NTM: variants seen among roughly 807,000 people sequenced by gnomAD.
The protein encoded by NTM is IgLON family member 2.
A neutral mutation model predicts 42.1 loss-of-function variants in NTM; 13 were observed. That is an observed-to-expected ratio of 0.31 (90% CI 0.20 to 0.49). The LOEUF (loss-of-function observed/expected upper bound fraction) is 0.49. Ranked by LOEUF, NTM falls within the 20% of genes least tolerant of loss-of-function variation. The pLI is 0.99. For missense variants in NTM, 373 were observed against 452.8 expected (o/e 0.82, Z 1.60); for synonymous variants, 187 against 179.2 (o/e 1.04, Z -0.35).
intron 1 of NTM, among the ~76,000 whole-genome samples, chr11:131,600,756 C>G (rs564301040): frequency 6.6e-6 from 1 of 152,228 alleles, no homozygotes; most frequent in Admixed American, 6.5e-5. Flanking sequence ...TTTGCCTGTC[C>G]AGACACAACA....
chr11:132,043,247 A>T (rs933512033), intron 2 of NTM, among the ~76,000 whole-genome samples: 6 of 152,256 alleles, frequency 3.9e-5, no homozygotes, highest in African/African-American at 7.2e-5. Flanking sequence ...GTCACTAAGG[A>T]CCTGAGCTTG....
rs1945237733 is a variant in NTM at position 131,401,831 on chromosome 11, TA to T, written c.82+30944del. Among the ~76,000 whole-genome samples, 12 of 94,034 alleles carry T rather than the reference TA, an allele frequency of 1.3e-4. 2 individuals are homozygous for T. Among genetic ancestry groups the T allele is most frequent in the Admixed American group, 1.0e-3 (10 of 9,730 alleles). 61.7% of individuals were successfully genotyped at this position (94,034 alleles called of 152,430 possible). On this transcript the variant is annotated intron_variant, in intron 1 of 8. Transcript: ENST00000683400. ...ATATATATATATATATATATATATA[TA>T]TATATATATATATATATATATATAT...
chr11:131,911,403 C>T (rs2054947334), intron 1 of NTM, 161 bp from the exon 2 acceptor site: 1 of 1,599,360 alleles, frequency 6.3e-7, no homozygotes, highest in South Asian at 1.1e-5. Flanking sequence ...TCGCTCCGCA[C>T]CCCACCCACT....
At chr11:131,979,788 A>T (rs2064968985) in intron 2 of NTM, among the ~76,000 whole-genome samples, 1 of 152,260 alleles carries the variant, frequency 6.6e-6, no homozygotes, top group South Asian at 2.1e-4. Flanking sequence ...AAATGGCAAC[A>T]TTATGGCTTA....
chr11:132,273,490 T>C (rs2093589464), intron 4 of NTM, among the ~76,000 whole-genome samples: 1 of 152,206 alleles, frequency 6.6e-6, no homozygotes, highest in Admixed American at 6.5e-5. Context: ...TTCTAGATAA[T>C]AGGTATCAGT....
intron 2 of NTM, among the ~76,000 whole-genome samples, chr11:132,091,405 C>G (rs1277440500): frequency 6.7e-6 from 1 of 148,928 alleles, no homozygotes; most frequent in East Asian, 2.0e-4. Flanking sequence ...GACTCTGTCT[C>G]AAAAAAAAAT....
chr11:131,995,516 T>G (rs2067836700), intron 2 of NTM, among the ~76,000 whole-genome samples: 1 of 149,598 alleles, frequency 6.7e-6, no homozygotes, highest in South Asian at 2.1e-4. Flanking sequence ...GAATGAGGAG[T>G]CAGCCAGGCA....
chr11:131,837,129 C>A (rs1483721999), intron 1 of NTM, among the ~76,000 whole-genome samples: 1 of 152,156 alleles, frequency 6.6e-6, no homozygotes, highest in African/African-American at 2.4e-5. Context: ...AACATAAAAA[C>A]TCTGGTGGGG....
chr11:131,859,044 TCAATTC>T (rs1303559449), intron 1 of NTM, among the ~76,000 whole-genome samples: 8 of 152,162 alleles, frequency 5.3e-5, no homozygotes, highest in African/African-American at 1.9e-4. Context: ...GGAAATCATT[TCAATTC>T]CTCAAAGTCT....
chr11:132,185,750 T>C (rs2078291577), intron 3 of NTM, among the ~76,000 whole-genome samples: 1 of 152,188 alleles, frequency 6.6e-6, no homozygotes, highest in African/African-American at 2.4e-5. Context: ...TGGAAGTTAG[T>C]TCTCAAGAGC....
chr11:131,478,035 T>C (rs1953136768), intron 1 of NTM, among the ~76,000 whole-genome samples: 2 of 152,106 alleles, frequency 1.3e-5, no homozygotes, highest in East Asian at 3.9e-4. Flanking sequence ...ACTTATTTCT[T>C]CTCTCACTGC....
chr11:131,986,074 A>G (rs188416882), intron 2 of NTM, among the ~76,000 whole-genome samples: 4 of 152,332 alleles, frequency 2.6e-5, no homozygotes, highest in Admixed American at 2.6e-4. Flanking sequence ...GGATTGAACT[A>G]TGCTGGATCT....
chr11:131,464,392 C>T (rs11222655), intron 1 of NTM, among the ~76,000 whole-genome samples: 274 of 152,174 alleles, frequency 1.8e-3, no homozygotes, highest in Non-Finnish European at 3.1e-3. Context: ...AAAGGGGGCC[C>T]CGTCATACAT....
At chr11:131,643,380 G>A (rs942937878) in intron 1 of NTM, among the ~76,000 whole-genome samples, 1 of 152,202 alleles carries the variant, frequency 6.6e-6, no homozygotes, top group Non-Finnish European at 1.5e-5. Flanking sequence ...TGGTGTACCC[G>A]GGTGTGCGCG....
intron 1 of NTM, among the ~76,000 whole-genome samples, chr11:131,584,408 G>A (rs939513738): frequency 1.3e-5 from 2 of 152,170 alleles, no homozygotes; most frequent in Admixed American, 1.3e-4. Context: ...CTTCTTGGTG[G>A]AGGCAGGGGC....
chr11:131,499,899 T>C (rs1238662136), intron 1 of NTM, among the ~76,000 whole-genome samples: 1 of 152,252 alleles, frequency 6.6e-6, no homozygotes, highest in Non-Finnish European at 1.5e-5. Flanking sequence ...TTTTATTATT[T>C]TAGGAATAAT....
intron 2 of NTM, among the ~76,000 whole-genome samples, chr11:132,134,705 G>GTATATATATATA (rs57297229): frequency 1.3e-5 from 1 of 75,968 alleles, no homozygotes; most frequent in Non-Finnish European, 2.9e-5. Flanking sequence ...GTATTCCATG[G>GTATATATATATA]TATATATATA....
intron 2 of NTM, among the ~76,000 whole-genome samples, chr11:132,086,309 G>T (rs2059698837): frequency 8.4e-6 from 1 of 118,806 alleles, no homozygotes; most frequent in African/African-American, 3.7e-5. Context: ...GGATGACAGA[G>T]CAAGACTCCA....
chr11:131,972,117 G>A (rs2063648172), intron 2 of NTM, among the ~76,000 whole-genome samples: 1 of 151,294 alleles, frequency 6.6e-6, no homozygotes, highest in Non-Finnish European at 1.5e-5. Context: ...GGAGGCTGAG[G>A]CAAGAGGATC....
Sources: allele counts gnomAD v4.1 joint callset (sites outside exome capture counted in the v4.1 genomes callset), GRCh38; gene constraint gnomAD v4.1.1; transcripts MANE v1.5; gene names NCBI Gene and HGNC (gene_info 2026-07-23, HGNC 2026-07-21).